Variants in NCKAP1 observed in about 807,000 individuals in gnomAD.
NCKAP1 encodes the protein NCK associated protein 1.
A neutral mutation model predicts 151.2 loss-of-function variants in NCKAP1; 21 were observed. The ratio of observed to expected loss-of-function variants is 0.14; its 90% confidence interval spans 0.10 to 0.20. The LOEUF (loss-of-function observed/expected upper bound fraction) is 0.20. Ranked by LOEUF, NCKAP1 falls within the 10% of genes least tolerant of loss-of-function variation. The pLI, the probability that NCKAP1 is intolerant of heterozygous loss-of-function variation, is 1.00. For missense variants in NCKAP1, 933 were observed against 1,352.1 expected, an observed-to-expected ratio of 0.69 and a Z score of 4.86; for synonymous variants, 484 against 451.8, an observed-to-expected ratio of 1.07 and a Z score of -0.90.
chr2:182,998,201 C>CA (rs1419867725), intron 6 of NCKAP1, among the ~76,000 whole-genome samples: 2 of 152,096 alleles, frequency 1.3e-5, no homozygotes, highest in African/African-American at 4.8e-5. Flanking sequence ...CCATCTATGA[C>CA]AAACCCATAG....
Position 183,012,098 on chromosome 2 carries a change from G to A in NCKAP1, c.220-8773C>T, listed in dbSNP as rs72888455. On this transcript the variant is annotated intron_variant, in intron 2 of 30. Coordinates refer to ENST00000361354, the MANE Select transcript of NCKAP1 (RefSeq NM_013436.5). ...GTTTTTGAAGCTGATTAACTTCTAG[G>A]TGCAAGGTTTAAAGATGGTGAAAAA... 9.2e-3 allele frequency among the ~76,000 whole-genome samples: 1,397 copies of A among 152,194 alleles called. 10 individuals carry two copies. The highest frequency in any genetic ancestry group is 0.016 in the Non-Finnish European group (1,064 of 68,012).
intron 6 of NCKAP1, among the ~76,000 whole-genome samples, chr2:182,997,898 T>C (rs894029282): frequency 6.6e-6 from 1 of 151,926 alleles, no homozygotes; most frequent in Non-Finnish European, 1.5e-5. Context: ...CAGGCCAATA[T>C]CCCTGATGAA....
chr2:182,935,123 A>G (rs1696846960), intron 25 of NCKAP1, 170 bp downstream of exon 25: 2 of 604,568 alleles, frequency 3.3e-6, no homozygotes, highest in African/African-American at 1.9e-5. Context: ...GTACCAAAAC[A>G]AAAAATGAGC....
intron 16 of NCKAP1, among the ~76,000 whole-genome samples, chr2:182,965,984 T>G (rs1281546784): frequency 6.6e-6 from 1 of 152,170 alleles, no homozygotes; most frequent in African/African-American, 2.4e-5. Context: ...ACCTGGTGAT[T>G]TGAATTTCTT....
At chr2:182,928,304 C>A in intron 28 of NCKAP1, 78 bp from the exon 29 acceptor site, 1 of 989,824 alleles carries the variant, frequency 1.0e-6, no homozygotes, top group Non-Finnish European at 1.5e-6. Context: ...AATGACTTCA[C>A]AATCTGCATA....
chr2:182,936,740 A>G (rs1257684689), intron 24 of NCKAP1, among the ~76,000 whole-genome samples: 1 of 152,196 alleles, frequency 6.6e-6, no homozygotes, highest in Non-Finnish European at 1.5e-5. Context: ...TAAGGCGCAA[A>G]TTTATTAAAA....
intron 13 of NCKAP1, among the ~76,000 whole-genome samples, chr2:182,979,274 T>G (rs189343714): frequency 6.6e-6 from 1 of 152,158 alleles, no homozygotes; most frequent in African/African-American, 2.4e-5. Context: ...AAGTAAACTT[T>G]TAAAGGTGTT....
In NCKAP1 at chr2:182,982,029, T is replaced by C. The variant is rs185494276; in HGVS notation, c.1209-653A>G. On this transcript the variant is annotated intron_variant, in intron 12 of 30. Transcript: ENST00000361354. ...AGAAATAAAATTTTTCTGTATGCTC[T>C]TATTTCTCTGCTCCATTTTTCTAAC... Among the ~76,000 whole-genome samples, 187 of 152,140 alleles carry C rather than the reference T, an allele frequency of 1.2e-3. 2 individuals are homozygous for C. The highest frequency in any genetic ancestry group is 4.4e-3 in the African/African-American group (181 of 41,540).
Position 182,939,817 on chromosome 2 carries a change from C to A in NCKAP1, c.2695+2253G>T, listed in dbSNP as rs531202170. Among the ~76,000 whole-genome samples the A allele has an allele frequency of 1.1e-4, 17 of 152,188 alleles. No homozygotes were observed. The South Asian group carries it at 3.5e-3, about 32-fold the overall frequency. On this transcript the variant is annotated intron_variant, in intron 24 of 30. Coordinates refer to ENST00000361354, the MANE Select transcript of NCKAP1 (RefSeq NM_013436.5). ...CTAAATGAGTCACTCTCAAGTGAAT[C>A]GTTTCTTTTTCCAAATTATAGAAAA...
intron 12 of NCKAP1, among the ~76,000 whole-genome samples, chr2:182,982,440 G>C (rs1240132014): frequency 6.7e-6 from 1 of 149,418 alleles, no homozygotes; most frequent in Admixed American, 6.7e-5. Flanking sequence ...ATTTACAATG[G>C]TGCAGAAGAG....
At chr2:182,932,837 G>A (rs2105802162) in intron 26 of NCKAP1, among the ~76,000 whole-genome samples, 1 of 152,064 alleles carries the variant, frequency 6.6e-6, no homozygotes, top group Middle Eastern at 3.4e-3. Flanking sequence ...TATTTTTTCT[G>A]CAGTGTTTCC....
chr2:182,968,252 T>C (rs1697616335), intron 15 of NCKAP1, among the ~76,000 whole-genome samples: 1 of 152,110 alleles, frequency 6.6e-6, no homozygotes, highest in South Asian at 2.1e-4. Context: ...GAAGCAGAAA[T>C]CTATTAGAAG....
intron 10 of NCKAP1, among the ~76,000 whole-genome samples, chr2:182,983,838 G>T (rs1036546739): frequency 2.0e-5 from 3 of 152,128 alleles, no homozygotes; most frequent in Non-Finnish European, 4.4e-5. Context: ...TTCGAGACCA[G>T]CCTGGGCAAC....
chr2:182,928,106 A>G lies in NCKAP1; in HGVS notation c.3180+11T>C, dbSNP rs774481252. On this transcript the variant is annotated intron_variant, in intron 29 of 30. Coordinates refer to ENST00000361354, the MANE Select transcript of NCKAP1 (RefSeq NM_013436.5). ...AAAATGTGATGAGTTTTGTTATTTGATTATACATACCGCCAGAAATTCTTT... is the reference window on the plus strand; with the variant it reads ...AAAATGTGATGAGTTTTGTTATTTGGTTATACATACCGCCAGAAATTCTTT... 2.6e-6 allele frequency: 4 copies of G among 1,554,842 alleles called. No homozygotes were observed. The highest frequency in any genetic ancestry group is 3.5e-6 in the Non-Finnish European group (4 of 1,132,572).
chr2:183,003,330 A>G lies in NCKAP1; in HGVS notation c.220-5T>C, dbSNP rs1698408184. 6.4e-7 allele frequency: 1 copy of G among 1,566,202 alleles called. No individual in the cohort carries two copies. Among genetic ancestry groups the G allele is most frequent in the African/African-American group, 1.4e-5 (1 of 73,304 alleles). The stretch of plus-strand genomic sequence containing the variant: ...CTGTAGTTGTGCAAGCTGTTGCTGT[A>G]AAAACAAAATTAGAATGCATTGCTC... On this transcript the variant is annotated splice_region_variant and splice_polypyrimidine_tract_variant and intron_variant, in intron 2 of 30. Coordinates refer to ENST00000361354, the MANE Select transcript of NCKAP1 (RefSeq NM_013436.5).
chr2:182,997,776 A>G (rs1194018783), intron 6 of NCKAP1, among the ~76,000 whole-genome samples: 3 of 152,184 alleles, frequency 2.0e-5, no homozygotes, highest in Admixed American at 1.3e-4. Context: ...ATACAATCCT[A>G]TTGAAACTAT....
chr2:182,982,410 T>C (rs1697959155), intron 12 of NCKAP1, among the ~76,000 whole-genome samples: 1 of 152,112 alleles, frequency 6.6e-6, no homozygotes, highest in Admixed American at 6.6e-5. Flanking sequence ...TTACAGTGAT[T>C]TGGATGTACT....
At chr2:182,982,383 T>C (rs1697958179) in intron 12 of NCKAP1, among the ~76,000 whole-genome samples, 2 of 152,150 alleles carry the variant, frequency 1.3e-5, no homozygotes, top group Non-Finnish European at 2.9e-5. Flanking sequence ...CAAATCAGAA[T>C]ATAGATGGTG....
rs1696408755 is a variant in NCKAP1 at position 182,912,363 on chromosome 2, T to C, written c.*13339A>G. 6.6e-6 allele frequency: 1 copy of C among 152,152 alleles called. No homozygotes were observed. Among genetic ancestry groups the C allele is most frequent in the South Asian group, 2.1e-4 (1 of 4,832 alleles). 9.4% of individuals were successfully genotyped at this position (152,152 alleles called of 1,614,324 possible). On this transcript the variant is annotated 3_prime_UTR_variant, in exon 31 of 31. Coordinates refer to ENST00000361354, the MANE Select transcript of NCKAP1 (RefSeq NM_013436.5). ...TGCCAGTGCCAAAAAGATTTCCAAATCTTTTCAGCTAAAAAGCCAGCAAAG... is the reference window on the plus strand; with the variant it reads ...TGCCAGTGCCAAAAAGATTTCCAAACCTTTTCAGCTAAAAAGCCAGCAAAG...
Sources: gnomAD v4.1 joint callset for allele counts (sites outside exome capture counted in the v4.1 genomes callset) on GRCh38, gnomAD v4.1.1 for gene constraint, MANE v1.5 for transcripts, NCBI Gene and HGNC (gene_info 2026-07-23, HGNC 2026-07-21) for gene names.